PEX7: variants seen among roughly 807,000 people sequenced by gnomAD.
The protein encoded by PEX7 is peroxisomal biogenesis factor 7.
A neutral mutation model predicts 47.5 loss-of-function variants in PEX7; 34 were observed. That is an observed-to-expected ratio of 0.72 (90% CI 0.54 to 0.95). The LOEUF (loss-of-function observed/expected upper bound fraction) is 0.95. PEX7 is among the 40% of genes least tolerant of loss of function. The pLI, the probability that PEX7 is intolerant of heterozygous loss-of-function variation, is 0.00. For missense variants in PEX7, 394 were observed against 400.3 expected, an observed-to-expected ratio of 0.98 and a Z score of 0.13; for synonymous variants, 141 against 148.8, an observed-to-expected ratio of 0.95 and a Z score of 0.38.
At chr6:136,874,799 T>G (rs1240390833) in intron 8 of PEX7, among the ~76,000 whole-genome samples, 2 of 152,180 alleles carry the variant, frequency 1.3e-5, no homozygotes, top group Non-Finnish European at 2.9e-5. Context: ...GGTATGTTTA[T>G]TTTGTTATTT....
At chr6:136,876,237 C>T (rs984005382) in intron 8 of PEX7, among the ~76,000 whole-genome samples, 6 of 152,022 alleles carry the variant, frequency 3.9e-5, no homozygotes, top group African/African-American at 1.5e-4. Flanking sequence ...TGGGGTTTCA[C>T]CGTGTTAGCC....
At chr6:136,847,441 T>A (rs1774627280) in intron 5 of PEX7, among the ~76,000 whole-genome samples, 2 of 152,002 alleles carry the variant, frequency 1.3e-5, no homozygotes, top group Non-Finnish European at 2.9e-5. Flanking sequence ...CTGAATGGTA[T>A]TGCCTAGGTT....
chr6:136,901,708 G>C (rs1303712379), intron 9 of PEX7, among the ~76,000 whole-genome samples: 1 of 152,218 alleles, frequency 6.6e-6, no homozygotes, highest in African/African-American at 2.4e-5. Context: ...TTTGATGGGA[G>C]GACCTGTGAA....
At chr6:136,835,838 A>G (rs183012761) in intron 3 of PEX7, among the ~76,000 whole-genome samples, 1 of 152,376 alleles carries the variant, frequency 6.6e-6, no homozygotes, top group African/African-American at 2.4e-5. Context: ...TTGCAAAATC[A>G]TTATTCCCAA....
intron 1 of PEX7, among the ~76,000 whole-genome samples, chr6:136,823,720 A>C (rs1774131450): frequency 6.6e-6 from 1 of 152,168 alleles, no homozygotes. Context: ...GAGAAACCCC[A>C]TCTCTACTGA....
chr6:136,883,877 G>A (rs546888426), intron 8 of PEX7, among the ~76,000 whole-genome samples: 2 of 152,316 alleles, frequency 1.3e-5, no homozygotes, highest in East Asian at 3.9e-4. Context: ...CATTTTCCCA[G>A]TACGAAGTGG....
At chr6:136,864,317 A>T (rs907542406) in intron 5 of PEX7, among the ~76,000 whole-genome samples, 5 of 21,648 alleles carry the variant, frequency 2.3e-4, no homozygotes, top group African/African-American at 5.3e-4. Context: ...TTTTCTCATA[A>T]AAAAAAAACA....
At chr6:136,906,288 T>C (rs1448437789) in intron 9 of PEX7, among the ~76,000 whole-genome samples, 1 of 152,214 alleles carries the variant, frequency 6.6e-6, no homozygotes, top group Admixed American at 6.5e-5. Flanking sequence ...GAACATTTTA[T>C]TGTCATTTGT....
In PEX7 at chr6:136,846,102, C is replaced by T. The variant is rs755710614; in HGVS notation, c.447C>T (p.Cys149=). 14 of 1,612,618 alleles carry T rather than the reference C, an allele frequency of 8.7e-6. No homozygotes were observed. In the Admixed American group the frequency reaches 2.3e-4, roughly 27 times the overall value. ...LWDPTVGKSL[C]TFRGHESIIY... is the part of the protein sequence containing the mutation. ...ATCCAACTGTTGGAAAGTCTCTGTG[C>T]ACCTTTAGAGGCCATGAAAGTATTA... The change falls in exon 5 of 10, where the codon TGC becomes TGT. Residue 149 remains cysteine (C), a synonymous_variant. Transcript: ENST00000318471.
chr6:136,884,873 C>T (rs1775440371), intron 8 of PEX7, among the ~76,000 whole-genome samples: 1 of 152,302 alleles, frequency 6.6e-6, no homozygotes, highest in East Asian at 1.9e-4. Context: ...TTCTAAACTT[C>T]ACTCAAGATA....
At chr6:136,905,338 T>C (rs543928273) in intron 9 of PEX7, among the ~76,000 whole-genome samples, 48 of 152,346 alleles carry the variant, frequency 3.2e-4, no homozygotes, top group African/African-American at 1.1e-3. Context: ...TCTATGGGGC[T>C]TACCCCACTG....
chr6:136,889,086 A>G (rs990450109), intron 8 of PEX7, among the ~76,000 whole-genome samples: 11 of 152,180 alleles, frequency 7.2e-5, no homozygotes, highest in Non-Finnish European at 5.9e-5. Context: ...GTTAAGATAC[A>G]TATTTATATG....
intron 8 of PEX7, among the ~76,000 whole-genome samples, chr6:136,889,441 G>A (rs550023893): frequency 6.6e-6 from 1 of 152,240 alleles, no homozygotes; most frequent in African/African-American, 2.4e-5. Flanking sequence ...ATAACTGAAT[G>A]CAAGCACATG....
chr6:136,880,465 C>T (rs930742916), intron 8 of PEX7, among the ~76,000 whole-genome samples: 6 of 152,196 alleles, frequency 3.9e-5, no homozygotes, highest in South Asian at 2.1e-4. Flanking sequence ...AGCTCCTGCC[C>T]TCTCTGTACC....
intron 9 of PEX7, among the ~76,000 whole-genome samples, chr6:136,907,206 G>A (rs944333528): frequency 6.6e-6 from 1 of 151,968 alleles, no homozygotes; most frequent in Non-Finnish European, 1.5e-5. Flanking sequence ...TTGAGTGCTC[G>A]GAAATACACA....
intron 3 of PEX7, among the ~76,000 whole-genome samples, chr6:136,832,516 T>TG (rs1409299675): frequency 6.6e-6 from 1 of 152,262 alleles, no homozygotes; most frequent in Non-Finnish European, 1.5e-5. Context: ...CAGGTTTGAA[T>TG]TTCCCCCCAA....
chr6:136,890,880 C>T (rs1214001085), intron 8 of PEX7, among the ~76,000 whole-genome samples: 2 of 152,110 alleles, frequency 1.3e-5, no homozygotes, highest in Non-Finnish European at 2.9e-5. Flanking sequence ...CATTTTGGTG[C>T]TACCAGTTAC....
At position 136,826,426 on chromosome 6, in the gene PEX7, A is replaced by G. The variant is rs367806635; in HGVS notation, c.296A>G (p.Lys99Arg). The change falls in exon 3 of 10, where the codon AAA becomes AGA. Residue 99 changes from lysine (K) to arginine (R), a missense_variant. Lys to Arg is a conservative substitution (Grantham distance 26). Coordinates refer to ENST00000318471, the MANE Select transcript of PEX7 (RefSeq NM_000288.4). ...DGSLQLWDTA[K>R]AAGPLQVYKE... ...TCGCTGCAGCTCTGGGACACTGCCA[A>G]AGCTGCAGGGCCACTGCAAGTCTAT... The G allele has an allele frequency of 1.2e-5, 20 of 1,613,852 alleles. No individual in the cohort carries two copies. The highest frequency in any genetic ancestry group is 1.6e-5 in the Non-Finnish European group (19 of 1,180,010).
chr6:136,832,350 G>A (rs1039523070), intron 3 of PEX7, among the ~76,000 whole-genome samples: 5 of 152,206 alleles, frequency 3.3e-5, no homozygotes, highest in African/African-American at 1.2e-4. Flanking sequence ...GAGCAGCAGG[G>A]CCACTCAGGC....
Sources: allele counts gnomAD v4.1 joint callset (sites outside exome capture counted in the v4.1 genomes callset), GRCh38; gene constraint gnomAD v4.1.1; transcripts MANE v1.5; gene names NCBI Gene and HGNC (gene_info 2026-07-23, HGNC 2026-07-21).